The following FPGT variants were observed in gnomAD, a reference collection of about 807,000 sequenced individuals.
The protein encoded by FPGT is fucose-1-phosphate guanylyltransferase.
In FPGT, 41 loss-of-function variants were observed where a neutral mutation model predicts 45.8. The observed-to-expected ratio is 0.90, with a 90% CI of 0.70 to 1.16. The LOEUF is 1.16. Ranked by LOEUF, FPGT falls within the 50% of genes most tolerant of loss-of-function variation. The probability of loss-of-function intolerance (pLI) is 0.00; values close to 1 mark genes in which losing one functional copy is unlikely to be tolerated. For missense variants in FPGT, 755 were observed against 689.1 expected (o/e 1.10, Z -1.07); for synonymous variants, 292 against 247.2 (o/e 1.18, Z -1.70).
rs374334766 is a variant in FPGT at position 74,198,275 on chromosome 1, G to A, written c.-4G>A. The A allele has an allele frequency of 6.2e-7, 1 of 1,613,848 alleles. No homozygotes were observed. The highest frequency in any genetic ancestry group is 8.5e-7 in the Non-Finnish European group (1 of 1,179,908). Reference sequence around the variant, plus strand: ...TGCGGCGCGGTCTCAGGGAAGGTGGGGCTATGGCAGCTGCTAGGGACCCTC... The same window carrying A: ...TGCGGCGCGGTCTCAGGGAAGGTGGAGCTATGGCAGCTGCTAGGGACCCTC... On this transcript the variant is annotated 5_prime_UTR_variant, in exon 1 of 4. Transcript: ENST00000370898.
chr1:74,207,035 A>T lies in FPGT; in HGVS notation c.*1203A>T, dbSNP rs949379727. ...TTCCAAAGTTTTTCCCAAGGAGAAGATACAAATATATGGTAGCTATTGTTT... is the reference window on the plus strand; with the variant it reads ...TTCCAAAGTTTTTCCCAAGGAGAAGTTACAAATATATGGTAGCTATTGTTT... On this transcript the variant is annotated 3_prime_UTR_variant, in exon 4 of 4. Coordinates refer to ENST00000370898, the MANE Select transcript of FPGT (RefSeq NM_003838.5). 4 of 152,048 alleles carry T rather than the reference A, an allele frequency of 2.6e-5. No homozygotes were observed. Among genetic ancestry groups the T allele is most frequent in the Non-Finnish European group, 4.4e-5 (3 of 67,954 alleles). The allele number at this position is 152,048 out of a possible 1,614,324, so 9.4% of individuals were successfully genotyped here. A position where few individuals can be genotyped will look rare whatever the true frequency, so the allele number is the denominator to read the frequency against.
rs1382936090 is a variant in FPGT, at chr1:74,207,709, A to T, written c.*1877A>T. Among the ~76,000 whole-genome samples the T allele has an allele frequency of 1.3e-5, 2 of 151,984 alleles. No individual in the cohort carries two copies. Among genetic ancestry groups the T allele is most frequent in the African/African-American group, 4.8e-5 (2 of 41,400 alleles). ...TTAATTGTTTGGTAAACCAGAAGTGACCTGTCTGAAGCCCTCAATTGTGGT... is the reference window on the plus strand; with the variant it reads ...TTAATTGTTTGGTAAACCAGAAGTGTCCTGTCTGAAGCCCTCAATTGTGGT... On this transcript the variant is annotated 3_prime_UTR_variant, in exon 4 of 4. Transcript: ENST00000370898.
chr1:74,203,973 C>T (rs773057432), intron 3 of FPGT, among the ~76,000 whole-genome samples: 11 of 151,008 alleles, frequency 7.3e-5, no homozygotes, highest in East Asian at 2.0e-4. Context: ...ACCTGGGACA[C>T]GGAGGTTGTG....
chr1:74,199,630 T>C (rs200074343), intron 1 of FPGT, 34 bp from the exon 2 acceptor site: 2 of 1,596,934 alleles, frequency 1.3e-6, no homozygotes, highest in Middle Eastern at 1.7e-4. Flanking sequence ...ATTCTGATAA[T>C]TTTTGTTTTC....
At chr1:74,204,323 C>T in intron 3 of FPGT, 68 bp from the exon 4 acceptor site, 1 of 1,145,264 alleles carries the variant, frequency 8.7e-7, no homozygotes, top group Non-Finnish European at 1.2e-6. Flanking sequence ...GTTATAAAAC[C>T]CTGGGGTTTT....
rs898328916 is a variant in FPGT, at chr1:74,207,609, G to A, written c.*1777G>A. ...TTTAATCACAGGTCCTTAGAAGATC[G>A]GACCTGTGATTCTATTCAAAGTCAG... On this transcript the variant is annotated 3_prime_UTR_variant, in exon 4 of 4. Transcript: ENST00000370898. 3.0e-4 allele frequency among the ~76,000 whole-genome samples: 45 copies of A among 151,902 alleles called. No homozygotes were observed. The highest frequency in any genetic ancestry group is 2.5e-3 in the Admixed American group (38 of 15,240).
intron 3 of FPGT, 106 bp downstream of exon 3, chr1:74,201,516 ATCTT>A: frequency 2.9e-6 from 2 of 700,412 alleles, no homozygotes; most frequent in Non-Finnish European, 4.4e-6. Flanking sequence ...TTTTAAAAGA[ATCTT>A]TGAAGTTATT....
intron 3 of FPGT, among the ~76,000 whole-genome samples, chr1:74,203,755 A>G (rs1445817710): frequency 1.3e-5 from 2 of 151,866 alleles, no homozygotes; most frequent in Admixed American, 1.3e-4. Context: ...TAAAATGTAG[A>G]TACAGGCTGG....
At chr1:74,199,247 C>G (rs1050327649) in intron 1 of FPGT, among the ~76,000 whole-genome samples, 4 of 152,170 alleles carry the variant, frequency 2.6e-5, no homozygotes, top group African/African-American at 9.7e-5. Context: ...TTCTTAGTCA[C>G]CTAACACCAA....
At position 74,202,768 on chromosome 1, in the gene FPGT, C is replaced by G. The variant is rs548348762; in HGVS notation, c.343+1358C>G. Among the ~76,000 whole-genome samples the G allele has an allele frequency of 2.6e-5, 4 of 152,252 alleles. No homozygotes were observed. The South Asian group carries it at 8.3e-4, about 32-fold the overall frequency. ...TTCAGCTTAAAACACAAACACTGTA[C>G]AGCTGTACAAAAATATTTTCTTTAT... On this transcript the variant is annotated intron_variant, in intron 3 of 3. Transcript: ENST00000370898.
At position 74,206,316 on chromosome 1, in the gene FPGT, C is replaced by T. The variant is rs541156951; in HGVS notation, c.*484C>T. 6.6e-6 allele frequency: 1 copy of T among 152,218 alleles called. No homozygotes were observed. The highest frequency in any genetic ancestry group is 1.5e-5 in the Non-Finnish European group (1 of 68,090). 9.4% of individuals were successfully genotyped at this position (152,218 alleles called of 1,614,324 possible). On this transcript the variant is annotated 3_prime_UTR_variant, in exon 4 of 4. Transcript: ENST00000370898. Reference sequence around the variant, plus strand: ...GAAACGAATCCATAGCTGACAAATTCACTCAGTGCCCAATATATTGTGATT... The same window carrying T: ...GAAACGAATCCATAGCTGACAAATTTACTCAGTGCCCAATATATTGTGATT...
rs1256657770 is a variant in FPGT at position 74,205,414 on chromosome 1, T to G, written c.1367T>G (p.Leu456Ter). ...ALPAHSFVCS[L>*]SLKMNRCLKY... ...CCCGCACATTCTTTTGTATGTTCCT[T>G]AAGCTTAAAGATGAATAGATGCTTA... Residue 456 changes from leucine to a stop codon, truncating the protein, a stop_gained, in exon 4 of 4, where the codon TTA becomes TGA. Coordinates refer to ENST00000370898, the MANE Select transcript of FPGT (RefSeq NM_003838.5). LOFTEE classifies it high-confidence loss of function. The G allele has an allele frequency of 6.2e-7, 1 of 1,613,894 alleles. No individual in the cohort carries two copies. The highest frequency in any genetic ancestry group is 8.5e-7 in the Non-Finnish European group (1 of 1,179,854).
At position 74,205,001 on chromosome 1, in the gene FPGT, A is replaced by G. The variant is rs1264322764; in HGVS notation, c.954A>G (p.Arg318=). ...LGPGATVEYT[R]NTSNVIKEES... ...CTGGAGCAACTGTGGAGTACACCAG[A>G]AACACATCAAATGTCATTAAAGAAG... Residue 318 remains arginine, a synonymous_variant, in exon 4 of 4, where the codon AGA becomes AGG. Coordinates refer to ENST00000370898, the MANE Select transcript of FPGT (RefSeq NM_003838.5). 1 of 1,614,084 alleles carries G rather than the reference A, an allele frequency of 6.2e-7. No homozygotes were observed. The highest frequency in any genetic ancestry group is 1.1e-5 in the South Asian group (1 of 91,088).
rs1007922638 is a variant in FPGT at position 74,207,675 on chromosome 1, A to G, written c.*1843A>G. Among the ~76,000 whole-genome samples, 8 of 47,834 alleles carry G rather than the reference A, an allele frequency of 1.7e-4. No homozygotes were observed. The highest frequency in any genetic ancestry group is 4.1e-4 in the Non-Finnish European group (6 of 14,466). 31.4% of individuals were successfully genotyped at this position (47,834 alleles called of 152,430 possible). A position where few individuals can be genotyped will look rare whatever the true frequency, so the allele number is the denominator to read the frequency against. ...AAATTGACGTCATATTAACATGTCA[A>G]TATGAAAATTAATTGTTTGGTAAAC... is the stretch of plus-strand genomic sequence containing the variant. On this transcript the variant is annotated 3_prime_UTR_variant, in exon 4 of 4. Coordinates refer to ENST00000370898, the MANE Select transcript of FPGT (RefSeq NM_003838.5).
intron 3 of FPGT, 102 bp from the exon 4 acceptor site, chr1:74,204,289 T>G (rs9425024): frequency 0.9 from 588,491 of 655,472 alleles, 266,088 homozygotes; most frequent in East Asian, 0.97. Flanking sequence ...TATCGTTAAA[T>G]ATATTTTGAT....
intron 1 of FPGT, among the ~76,000 whole-genome samples, chr1:74,199,455 A>T (rs1651559017): frequency 6.6e-6 from 1 of 152,232 alleles, no homozygotes; most frequent in African/African-American, 2.4e-5. Flanking sequence ...TAAAAGAAAA[A>T]AAAGGAACTT....
rs146215645 is a variant in FPGT at position 74,204,933 on chromosome 1, T to C, written c.886T>C (p.Cys296Arg). The stretch of plus-strand genomic sequence containing the variant: ...TTATGAAAAAATAGGCACACTGAGC[T>C]GTGAAATAGATGCCTATGGTGACTT... ...AFYEKIGTLS[C>R]EIDAYGDFLQ... Residue 296 changes from cysteine to arginine, a missense_variant, in exon 4 of 4, where the codon TGT becomes CGT. By Grantham distance (180) the Cys-to-Arg change is radical (BLOSUM62 -3). Transcript: ENST00000370898. The C allele has an allele frequency of 2.5e-4, 401 of 1,614,028 alleles. No individual in the cohort carries two copies. In the African/African-American group the frequency reaches 4.9e-3, roughly 20 times the overall value.
chr1:74,205,915 C>T lies in FPGT; in HGVS notation c.*83C>T. On this transcript the variant is annotated 3_prime_UTR_variant, in exon 4 of 4. Transcript: ENST00000370898. ...TTTTTGTAGGCTGTTTCACTGAACTCAGTTAATGAAAACTGTATTAACATA... is the reference window on the plus strand; with the variant it reads ...TTTTTGTAGGCTGTTTCACTGAACTTAGTTAATGAAAACTGTATTAACATA... 1 of 741,576 alleles carries T rather than the reference C, an allele frequency of 1.3e-6. No homozygotes were observed. Among genetic ancestry groups the T allele is most frequent in the Non-Finnish European group, 2.2e-6 (1 of 446,558 alleles). 45.9% of individuals were successfully genotyped at this position (741,576 alleles called of 1,614,324 possible). A position where few individuals can be genotyped will look rare whatever the true frequency, so the allele number is the denominator to read the frequency against.
At chr1:74,202,011 G>A (rs1651846996) in intron 3 of FPGT, among the ~76,000 whole-genome samples, 1 of 152,006 alleles carries the variant, frequency 6.6e-6, no homozygotes, top group African/African-American at 2.4e-5. Context: ...GATAGCCAGA[G>A]GCCACAATGC....
Sources: gnomAD v4.1 joint callset for allele counts (sites outside exome capture counted in the v4.1 genomes callset) on GRCh38, gnomAD v4.1.1 for gene constraint, MANE v1.5 for transcripts, NCBI Gene and HGNC (gene_info 2026-07-23, HGNC 2026-07-21) for gene names.